Variants in PHKG2 observed in about 807,000 individuals in gnomAD.
PHKG2 encodes the protein phosphorylase b kinase gamma catalytic chain, liver/testis isoform.
A neutral mutation model predicts 44.5 loss-of-function variants in PHKG2; 28 were observed. That is an observed-to-expected ratio of 0.63 (90% CI 0.47 to 0.86). The LOEUF is 0.86. PHKG2 is among the 40% of genes least tolerant of loss of function. The pLI is 0.00. For synonymous variants in PHKG2, 220 were observed against 211.2 expected, an observed-to-expected ratio of 1.04 and a Z score of -0.36; for missense variants, 498 against 547.5, an observed-to-expected ratio of 0.91 and a Z score of 0.90.
Position 30,760,010 on chromosome 16 carries a change from G to T in PHKG2, c.*2913G>T. 1 of 1,473,512 alleles carries T rather than the reference G, an allele frequency of 6.8e-7. No homozygotes were observed. Among genetic ancestry groups the T allele is most frequent in the South Asian group, 1.4e-5 (1 of 72,838 alleles). The allele number at this position is 1,473,512 out of a possible 1,614,324, so 91.3% of individuals were successfully genotyped here. ...TCAGCTATTAAACATTCTGAAGCAA[G>T]AGCTATTAAACATTCTAAAGCAGGT... On this transcript the variant is annotated 3_prime_UTR_variant, in exon 10 of 10. Transcript: ENST00000563588.
At chr16:30,748,520 C>T (rs2053282242) in intron 1 of PHKG2, 30 bp downstream of exon 1, 1 of 496,580 alleles carries the variant, frequency 2.0e-6, no homozygotes, top group Admixed American at 3.5e-5. Context: ...CCGTCCCCTT[C>T]CTGCGCCCGC....
At chr16:30,748,592 C>A in intron 1 of PHKG2, 102 bp downstream of exon 1, 1 of 580,326 alleles carries the variant, frequency 1.7e-6, no homozygotes, top group East Asian at 2.9e-5. Flanking sequence ...GCCTCCTGGG[C>A]ACATCTCCCC....
intron 4 of PHKG2, chr16:30,753,002 G>T (rs1341760600): frequency 1.7e-6 from 1 of 596,266 alleles, no homozygotes; most frequent in African/African-American, 1.8e-5. Context: ...GTCACAAGAA[G>T]TCTCTTATTT....
chr16:30,753,275 G>C lies in PHKG2; in HGVS notation c.370G>C (p.Ala124Pro), dbSNP rs1159306345. 4.3e-6 allele frequency: 7 copies of C among 1,613,874 alleles called. No individual in the cohort carries two copies. The highest frequency in any genetic ancestry group is 3.3e-5 in the Admixed American group (2 of 59,994). Residue 124 changes from alanine to proline, a missense_variant, in exon 5 of 10, where the codon GCC (alanine) becomes CCC (proline). Ala to Pro is a conservative substitution (Grantham distance 27, BLOSUM62 -1). Transcript: ENST00000563588. ...ELFDYLTEKVALSEKETRSIM... is the reference protein window; with the variant it reads ...ELFDYLTEKVPLSEKETRSIM... ...GTTTGACTATCTCACAGAGAAGGTG[G>C]CCCTCTCTGAAAAGGAAACCAGGTA...
At chr16:30,752,461 G>A (rs1011189608) in intron 4 of PHKG2, 4 of 151,864 alleles carry the variant, frequency 2.6e-5, no homozygotes, top group Non-Finnish European at 5.9e-5. Context: ...CCAGCCTCTC[G>A]CGCTGCTTAA....
intron 6 of PHKG2, among the ~76,000 whole-genome samples, chr16:30,754,200 CTG>C (rs1022274961): frequency 6.8e-6 from 1 of 147,890 alleles, no homozygotes; most frequent in Non-Finnish European, 1.5e-5. Context: ...GAGTCTCACT[CTG>C]TCACCCAGGC....
At position 30,759,332 on chromosome 16, in the gene PHKG2, C is replaced by T. The variant is rs2053578332; in HGVS notation, c.*2235C>T. ...TTGAGGGTGGCTCCTCATGGTCCAC[C>T]ACCCCCTACCTGGGGTGTGAAGACG... On this transcript the variant is annotated 3_prime_UTR_variant, in exon 10 of 10. Transcript: ENST00000563588. 10 of 1,612,978 alleles carry T rather than the reference C, an allele frequency of 6.2e-6. No individual in the cohort carries two copies. Among genetic ancestry groups the T allele is most frequent in the Non-Finnish European group, 8.5e-6 (10 of 1,179,118 alleles).
At chr16:30,749,269 GGTGTGTGTGTCTGTGTGT>G (rs1038089692) in intron 2 of PHKG2, among the ~76,000 whole-genome samples, 14 of 38,104 alleles carry the variant, frequency 3.7e-4, no homozygotes, top group Non-Finnish European at 6.4e-4. Context: ...TGGTGGTGGT[GGTGTGTGTGTCTGTGTGT>G]GTGTGTGTGT....
rs749282755 is a variant in PHKG2, at chr16:30,753,377, G to A, written c.393-17G>A. On this transcript the variant is annotated splice_polypyrimidine_tract_variant and intron_variant, in intron 5 of 9. Transcript: ENST00000563588. ...AGGAGCCGAGGAGGAGACTGCACCCGCCTCCCCTTCCCCCAGGTCCATCAT... is the reference window on the plus strand; with the variant it reads ...AGGAGCCGAGGAGGAGACTGCACCCACCTCCCCTTCCCCCAGGTCCATCAT... 14 of 1,613,968 alleles carry A rather than the reference G, an allele frequency of 8.7e-6. No homozygotes were observed. Among genetic ancestry groups the A allele is most frequent in the East Asian group, 2.2e-5 (1 of 44,874 alleles).
At chr16:30,750,239 C>T (rs2053327084) in intron 2 of PHKG2, among the ~76,000 whole-genome samples, 1 of 152,156 alleles carries the variant, frequency 6.6e-6, no homozygotes, top group Admixed American at 6.5e-5. Context: ...CCGGCCAAAA[C>T]GTAACACATC....
rs994896967 is a variant in PHKG2 at position 30,756,623 on chromosome 16, C to T, written c.835C>T (p.Arg279Cys). ...SRLLQVDPEA[R>C]LTAEQALQHP... ...GCTGCTGCAGGTGGATCCTGAGGCA[C>T]GCCTGACAGCTGAGCAGGCCCTACA... is the stretch of plus-strand genomic sequence containing the variant. Residue 279 changes from arginine to cysteine, a missense_variant, in exon 9 of 10, where the codon CGC becomes TGC. Arg to Cys is a radical substitution (Grantham distance 180, BLOSUM62 -3). Coordinates refer to ENST00000563588, the MANE Select transcript of PHKG2 (RefSeq NM_000294.3). 10 of 1,613,892 alleles carry T rather than the reference C, an allele frequency of 6.2e-6. No homozygotes were observed. The highest frequency in any genetic ancestry group is 4.5e-5 in the East Asian group (2 of 44,884).
At position 30,759,224 on chromosome 16, in the gene PHKG2, A is replaced by T; in HGVS notation, c.*2127A>T. 1 of 1,614,194 alleles carries T rather than the reference A, an allele frequency of 6.2e-7. No individual in the cohort carries two copies. The highest frequency in any genetic ancestry group is 1.1e-5 in the South Asian group (1 of 91,082). On this transcript the variant is annotated 3_prime_UTR_variant, in exon 10 of 10. Coordinates refer to ENST00000563588, the MANE Select transcript of PHKG2 (RefSeq NM_000294.3). ...GTTTGGGTGGCTGTAGCCCCATGTA[A>T]GTCAAAGACAGATCCAGCCGCACCT...
chr16:30,759,934 T>G lies in PHKG2; in HGVS notation c.*2837T>G. The G allele has an allele frequency of 1.4e-6, 2 of 1,441,476 alleles. No homozygotes were observed. Among genetic ancestry groups the G allele is most frequent in the Non-Finnish European group, 1.8e-6 (2 of 1,102,342 alleles). 89.3% of individuals were successfully genotyped at this position (1,441,476 alleles called of 1,614,324 possible). ...GCACTGAACAAGACAGACAAGGTCC[T>G]GCCCTTACGAAGCTTATATTCTAGG... On this transcript the variant is annotated 3_prime_UTR_variant, in exon 10 of 10. Transcript: ENST00000563588.
intron 3 of PHKG2, 34 bp from the exon 4 acceptor site, chr16:30,751,515 C>G: frequency 6.3e-7 from 1 of 1,589,488 alleles, no homozygotes; most frequent in Non-Finnish European, 8.6e-7. Context: ...TCCTTTCCAT[C>G]TCTGTCTCTC....
chr16:30,753,921 A>T lies in PHKG2; in HGVS notation c.556+364A>T, dbSNP rs955909428. 3.9e-5 allele frequency among the ~76,000 whole-genome samples: 6 copies of T among 152,184 alleles called. No homozygotes were observed. The East Asian group carries it at 1.2e-3, about 29-fold the overall frequency. On this transcript the variant is annotated intron_variant, in intron 6 of 9. Coordinates refer to ENST00000563588, the MANE Select transcript of PHKG2 (RefSeq NM_000294.3). Reference sequence around the variant, plus strand: ...TGCAGGACCACAAGAGCCTGATGTGATGTGTCCAGACTGCACTTCCCACCT... The same window carrying T: ...TGCAGGACCACAAGAGCCTGATGTGTTGTGTCCAGACTGCACTTCCCACCT...
At position 30,759,036 on chromosome 16, in the gene PHKG2, C is replaced by G. The variant is rs764439368; in HGVS notation, c.*1939C>G. On this transcript the variant is annotated 3_prime_UTR_variant, in exon 10 of 10. Transcript: ENST00000563588. ...CTTGGCTCTGGCTCTGGTGGGGCCACTGTCTCTAGTTCCTCTTTCTGCGGG... is the reference window on the plus strand; with the variant it reads ...CTTGGCTCTGGCTCTGGTGGGGCCAGTGTCTCTAGTTCCTCTTTCTGCGGG... The G allele has an allele frequency of 2.5e-6, 4 of 1,614,240 alleles. No homozygotes were observed. In the South Asian group the frequency reaches 4.4e-5, roughly 18 times the overall value.
At chr16:30,749,810 T>G (rs1260273980) in intron 2 of PHKG2, among the ~76,000 whole-genome samples, 1 of 152,110 alleles carries the variant, frequency 6.6e-6, no homozygotes, top group Non-Finnish European at 1.5e-5. Context: ...CTGGAGGTAC[T>G]CCACCCGAAG....
intron 6 of PHKG2, 149 bp from the exon 7 acceptor site, chr16:30,756,033 C>G (rs1419255689): frequency 3.9e-6 from 3 of 765,172 alleles, no homozygotes; most frequent in Admixed American, 3.6e-5. Context: ...GGGATAGTGC[C>G]TCAGCAGGAG....
rs373928064 is a variant in PHKG2, at chr16:30,759,474, G to C, written c.*2377G>C. 1.2e-6 allele frequency: 2 copies of C among 1,614,004 alleles called. No individual in the cohort carries two copies. The highest frequency in any genetic ancestry group is 1.7e-6 in the Non-Finnish European group (2 of 1,180,050). On this transcript the variant is annotated 3_prime_UTR_variant, in exon 10 of 10. Coordinates refer to ENST00000563588, the MANE Select transcript of PHKG2 (RefSeq NM_000294.3). ...AAGGAGGCCGCTGTGGTGGTGACTC[G>C]GAATTAGAACCCTGACTACCTTCCG...
Sources: allele counts gnomAD v4.1 joint callset (sites outside exome capture counted in the v4.1 genomes callset), GRCh38; gene constraint gnomAD v4.1.1; transcripts MANE v1.5; gene names NCBI Gene and HGNC (gene_info 2026-07-23, HGNC 2026-07-21).